ADCY4: variants seen among roughly 807,000 people sequenced by gnomAD.
ADCY4 encodes the protein adenylate cyclase 4.
A neutral mutation model predicts 125.5 loss-of-function variants in ADCY4; 111 were observed. That is an observed-to-expected ratio of 0.88 (90% CI 0.76 to 1.04). The LOEUF (loss-of-function observed/expected upper bound fraction) is 1.04, where lower values mean the gene tolerates loss of function less well. ADCY4 is among the 50% of genes least tolerant of loss of function. The probability of loss-of-function intolerance (pLI) is 0.00; values close to 1 mark genes in which losing one functional copy is unlikely to be tolerated. For missense variants in ADCY4, 1,256 were observed against 1,382.9 expected, an observed-to-expected ratio of 0.91 and a Z score of 1.46; for synonymous variants, 576 against 586.9, an observed-to-expected ratio of 0.98 and a Z score of 0.27.
Position 24,324,000 on chromosome 14 carries a change from T to C in ADCY4, c.2046+62A>G, listed in dbSNP as rs2041899345. On this transcript the variant is annotated intron_variant, in intron 16 of 24. Transcript: ENST00000418030. ...GCCTGCCCAAATCCAGGGGTTCCCT[T>C]TCAGTCCCTGGCAGGTCCAACATGC... 1.9e-6 allele frequency: 3 copies of C among 1,569,566 alleles called. No individual in the cohort carries two copies. In the Admixed American group the frequency reaches 5.5e-5, roughly 29 times the overall value.
Position 24,329,976 on chromosome 14 carries a change from C to T in ADCY4, c.1101G>A (p.Val367=), listed in dbSNP as rs1005417257. 8.1e-6 allele frequency: 13 copies of T among 1,614,020 alleles called. No individual in the cohort carries two copies. Among genetic ancestry groups the T allele is most frequent in the Admixed American group, 6.7e-5 (4 of 60,006 alleles). Residue 367 remains valine, a synonymous_variant, in exon 8 of 25, where the codon GTG becomes GTA. Coordinates refer to ENST00000418030, the MANE Select transcript of ADCY4 (RefSeq NM_001198568.2). The part of the protein sequence containing the change: ...AATGVDINMR[V]GVHSGSVLCG... ...ACAGTACGCTGCCTGAGTGCACGCC[C>T]ACACGCATGTTGATGTCCACGCCAG...
intron 1 of ADCY4, among the ~76,000 whole-genome samples, 185 bp from the exon 2 acceptor site, chr14:24,333,173 T>C (rs2042074070): frequency 7.0e-6 from 1 of 143,494 alleles, no homozygotes; most frequent in South Asian, 2.2e-4. Context: ...ATTGCTTGTG[T>C]CCTACTGCTT....
chr14:24,322,863 TC>T (rs749410867), intron 18 of ADCY4, 40 bp downstream of exon 18: 6 of 1,556,988 alleles, frequency 3.9e-6, no homozygotes, highest in Non-Finnish European at 5.2e-6. Context: ...TCTCACCCCA[TC>T]CCAGGGGGCC....
chr14:24,332,053 T>C (rs982510830), intron 3 of ADCY4, 116 bp from the exon 4 acceptor site: 10 of 1,285,046 alleles, frequency 7.8e-6, no homozygotes, highest in African/African-American at 1.5e-5. Flanking sequence ...GGGACCTAAC[T>C]ATTGTGGGAC....
chr14:24,330,203 G>A lies in ADCY4; in HGVS notation c.1023C>T (p.Cys341=), dbSNP rs1254354013. Residue 341 remains cysteine (C), a synonymous_variant, in exon 7 of 25, where the codon TGC becomes TGT. Coordinates refer to ENST00000418030, the MANE Select transcript of ADCY4 (RefSeq NM_001198568.2). ...GGCACATGTCCAGGCCCATGCGCAC[G>A]CAGTTGATGGCATGGTCTGGCAGTG... is the stretch of plus-strand genomic sequence containing the variant. ...PLSLPDHAIN[C]VRMGLDMCRA... is the part of the protein sequence containing the mutation. The A allele has an allele frequency of 8.1e-6, 13 of 1,614,192 alleles. No homozygotes were observed. Among genetic ancestry groups the A allele is most frequent in the South Asian group, 1.1e-5 (1 of 91,082 alleles).
At position 24,332,817 on chromosome 14, in the gene ADCY4, C is replaced by T; in HGVS notation, c.331G>A (p.Gly111Arg). Residue 111 changes from glycine (G) to arginine (R), a missense_variant, in exon 2 of 25, where the codon GGG becomes AGG. Physicochemically the swap from Gly to Arg is moderately radical, Grantham distance 125. Coordinates refer to ENST00000418030, the MANE Select transcript of ADCY4 (RefSeq NM_001198568.2). ...LALGHAFLFT[G>R]GVVSAWDQVS... The stretch of plus-strand genomic sequence containing the variant: ...TGGTCCCAGGCGCTCACCACGCCCC[C>T]GGTGAACAGGAAGGCGTGGCCTAGC... 6.4e-7 allele frequency: 1 copy of T among 1,571,112 alleles called. No individual in the cohort carries two copies. Among genetic ancestry groups the T allele is most frequent in the Non-Finnish European group, 8.7e-7 (1 of 1,155,528 alleles).
intron 11 of ADCY4, 64 bp downstream of exon 11, chr14:24,326,235 C>A: frequency 6.2e-7 from 1 of 1,613,800 alleles, no homozygotes. Context: ...GGAGCAGACC[C>A]CCAGGGAGGA....
intron 4 of ADCY4, 194 bp downstream of exon 4, chr14:24,331,594 A>G (rs1001194282): frequency 1.0e-6 from 1 of 957,370 alleles, no homozygotes; most frequent in Non-Finnish European, 1.5e-6. Context: ...TAATGCTCTA[A>G]AGTGCTTTTT....
Position 24,331,079 on chromosome 14 carries a change from G to C in ADCY4, c.869C>G (p.Ser290Cys). ...VGFTRLASEC[S>C]PKELVLMLNE... ...GAGCATGAGCACCAGCTCCTTAGGGGAACACTCGCTGGCCAGCCGCGTGAA... is the reference window on the plus strand; with the variant it reads ...GAGCATGAGCACCAGCTCCTTAGGGCAACACTCGCTGGCCAGCCGCGTGAA... Residue 290 changes from serine (S) to cysteine (C), a missense_variant, in exon 6 of 25, where the codon TCC (serine) becomes TGC (cysteine). Transcript: ENST00000418030. 1 of 1,613,566 alleles carries C rather than the reference G, an allele frequency of 6.2e-7. No homozygotes were observed. The highest frequency in any genetic ancestry group is 8.5e-7 in the Non-Finnish European group (1 of 1,179,560).
At chr14:24,332,457 A>C in intron 3 of ADCY4, 65 bp downstream of exon 3, 1 of 1,509,220 alleles carries the variant, frequency 6.6e-7, no homozygotes, top group Non-Finnish European at 8.9e-7. Context: ...ACAACCCCCT[A>C]AAAGGAGCCT....
rs771272643 is a variant in ADCY4 at position 24,332,602 on chromosome 14, C to T, written c.439G>A (p.Ala147Thr). Residue 147 changes from alanine (A) to threonine (T), a missense_variant, in exon 3 of 25, where the codon GCC (alanine) becomes ACC (threonine). By Grantham distance (58) the Ala-to-Thr change is moderately conservative. Transcript: ENST00000418030. ...ACCAGCAGATGCGAGAGTGAGGAGG[C>T]GAGGCCCGCGACGGCGGCGTCCCGC... ...GMRDAAVAGL[A>T]SSLSHLLVLG... 6 of 1,578,736 alleles carry T rather than the reference C, an allele frequency of 3.8e-6. No individual in the cohort carries two copies. The highest frequency in any genetic ancestry group is 5.2e-6 in the Non-Finnish European group (6 of 1,162,212).
At chr14:24,328,990 G>A in intron 10 of ADCY4, 71 bp downstream of exon 10, 2 of 1,539,126 alleles carry the variant, frequency 1.3e-6, no homozygotes, top group East Asian at 4.5e-5. Context: ...AGGGAAGGCT[G>A]CCAGTGGGGC....
At position 24,323,436 on chromosome 14, in the gene ADCY4, A is replaced by T. The variant is rs949051186; in HGVS notation, c.2065T>A (p.Ser689Thr). The change falls in exon 17 of 25, where the codon TCA becomes ACA. Residue 689 changes from serine to threonine, a missense_variant. By Grantham distance (58) the Ser-to-Thr change is moderately conservative. Transcript: ENST00000418030. Reference protein sequence around the residue: ...ITSLFFFPTSSDCPFQAPNVS... With the variant: ...ITSLFFFPTSTDCPFQAPNVS... Reference sequence around the variant, plus strand: ...TTGGGAGCTTGGAAAGGGCAGTCTGATGATGTTGGGAAGAAGAACTGCAGA... The same window carrying T: ...TTGGGAGCTTGGAAAGGGCAGTCTGTTGATGTTGGGAAGAAGAACTGCAGA... The T allele has an allele frequency of 6.4e-7, 1 of 1,554,144 alleles. No homozygotes were observed. Among genetic ancestry groups the T allele is most frequent in the Admixed American group, 1.9e-5 (1 of 51,414 alleles).
intron 13 of ADCY4, 117 bp downstream of exon 13, chr14:24,325,701 C>A (rs996124322): frequency 6.4e-6 from 8 of 1,240,952 alleles, no homozygotes; most frequent in Admixed American, 2.1e-5. Context: ...ACAAGCTCCT[C>A]ACCCCTAGGA....
At chr14:24,327,875 C>G (rs796771637) in intron 10 of ADCY4, among the ~76,000 whole-genome samples, 16 of 152,258 alleles carry the variant, frequency 1.1e-4, no homozygotes, top group African/African-American at 3.9e-4. Flanking sequence ...AAATATAAAA[C>G]AAGAATTGTT....
rs1425859697 is a variant in ADCY4, at chr14:24,331,010, T to A, written c.930+8A>T. On this transcript the variant is annotated splice_region_variant and intron_variant, in intron 6 of 24. Transcript: ENST00000418030. The stretch of plus-strand genomic sequence containing the variant: ...GGTCCCTGGGTGGGGAGGGAAGTCT[T>A]CTCTGACCTTGGCAATCTGGTCGAA... 7 of 1,594,520 alleles carry A rather than the reference T, an allele frequency of 4.4e-6. No homozygotes were observed. Among genetic ancestry groups the A allele is most frequent in the Non-Finnish European group, 6.0e-6 (7 of 1,166,880 alleles).
rs151010600 is a variant in ADCY4, at chr14:24,332,981, G to C, written c.167C>G (p.Thr56Ser). Residue 56 changes from threonine to serine, a missense_variant, in exon 2 of 25, where the codon ACC becomes AGC. Thr to Ser is a moderately conservative substitution (Grantham distance 58). Coordinates refer to ENST00000418030, the MANE Select transcript of ADCY4 (RefSeq NM_001198568.2). ...AGTGGTCAGGAAGCTCGGGTCTGAG[G>C]TCAGCTCCTGTGGGCAGGGGTGTGT... is the stretch of plus-strand genomic sequence containing the variant. The part of the protein sequence containing the change: ...AVAWASGREL[T>S]SDPSFLTTVL... 3.4e-4 allele frequency: 518 copies of C among 1,539,044 alleles called. No individual in the cohort carries two copies. Among genetic ancestry groups the C allele is most frequent in the Middle Eastern group, 7.0e-4 (4 of 5,722 alleles).
intron 1 of ADCY4, among the ~76,000 whole-genome samples, chr14:24,333,383 G>A (rs961603201): frequency 6.7e-6 from 1 of 148,326 alleles, no homozygotes; most frequent in African/African-American, 2.6e-5. Flanking sequence ...ACCACGCCCA[G>A]CTAATTTTTT....
Position 24,329,428 on chromosome 14 carries a change from C to A in ADCY4, c.1323G>T (p.Glu441Asp), listed in dbSNP as rs1594664456. The change falls in exon 9 of 25, where the codon GAG becomes GAT. Residue 441 changes from glutamate to aspartate, a missense_variant. Transcript: ENST00000418030. ...GTGGATCGATGACCAGATAGGTAGG[C>A]TCCCCTAGCTCCCGAAGGTAGGGGT... ...HRDPYLRELG[E>D]PTYLVIDPRA... 6.4e-7 allele frequency: 1 copy of A among 1,567,600 alleles called. No individual in the cohort carries two copies. The highest frequency in any genetic ancestry group is 2.0e-5 in the Admixed American group (1 of 50,942).
Sources: gnomAD v4.1 joint callset for allele counts (sites outside exome capture counted in the v4.1 genomes callset) on GRCh38, gnomAD v4.1.1 for gene constraint, MANE v1.5 for transcripts, NCBI Gene and HGNC (gene_info 2026-07-23, HGNC 2026-07-21) for gene names.